The following GPD2 variants were observed in gnomAD, a reference collection of about 807,000 sequenced individuals.
The protein encoded by GPD2 is glycerol-3-phosphate dehydrogenase 2.
In GPD2, 54 loss-of-function variants were observed where a neutral mutation model predicts 82.4. That is an observed-to-expected ratio of 0.66 (90% CI 0.53 to 0.82). The LOEUF is 0.82. GPD2 is among the 40% of genes least tolerant of loss of function. The pLI, the probability that GPD2 is intolerant of heterozygous loss-of-function variation, is 0.00. For synonymous variants in GPD2, 288 were observed against 306.1 expected (o/e 0.94, Z 0.62); for missense variants, 748 against 896.2 (o/e 0.83, Z 2.11).
At chr2:156,555,957 A>T (rs1686945683) in intron 8 of GPD2, among the ~76,000 whole-genome samples, 1 of 152,184 alleles carries the variant, frequency 6.6e-6, no homozygotes, top group Non-Finnish European at 1.5e-5. Flanking sequence ...CTGAGTAGAC[A>T]TGGCAAGCGT....
chr2:156,447,527 G>A (rs962222657), intron 1 of GPD2, among the ~76,000 whole-genome samples: 3 of 151,942 alleles, frequency 2.0e-5, no homozygotes, highest in Admixed American at 1.3e-4. Context: ...TAGAGATGGA[G>A]CCTTGCCATG....
intron 15 of GPD2, 153 bp from the exon 16 acceptor site, chr2:156,579,537 G>A: frequency 3.3e-6 from 2 of 601,460 alleles, no homozygotes; most frequent in Non-Finnish European, 6.1e-6. Flanking sequence ...TCTCCATGTT[G>A]GCCAGGCTGG....
the GPD2 span, among the ~76,000 whole-genome samples, chr2:156,409,968 C>G: frequency 6.6e-6 from 1 of 151,980 alleles, no homozygotes; most frequent in African/African-American, 2.4e-5. Flanking sequence ...ATCCCTTGAA[C>G]CCAGGAATTT....
rs760143793 is a variant in GPD2 at position 156,496,223 on chromosome 2, T to C, written c.274+8T>C. On this transcript the variant is annotated splice_region_variant and intron_variant, in intron 3 of 16. Transcript: ENST00000438166. Reference sequence around the variant, plus strand: ...TAGATGCTGTCACCAGAGGTAAGTCTTTTTTTTTTTTATTTTAATTTTAAG... The same window carrying C: ...TAGATGCTGTCACCAGAGGTAAGTCCTTTTTTTTTTTATTTTAATTTTAAG... 1 of 389,424 alleles carries C rather than the reference T, an allele frequency of 2.6e-6. No homozygotes were observed. Among genetic ancestry groups the C allele is most frequent in the Non-Finnish European group, 3.8e-6 (1 of 264,312 alleles). The allele number at this position is 389,424 out of a possible 1,614,324, so 24.1% of individuals were successfully genotyped here.
At chr2:156,461,113 G>A (rs1284726023) in intron 1 of GPD2, among the ~76,000 whole-genome samples, 1 of 149,878 alleles carries the variant, frequency 6.7e-6, no homozygotes, top group African/African-American at 2.5e-5. Flanking sequence ...AGGAGTAGTT[G>A]TGTTCCTGCA....
At chr2:156,574,107 A>G (rs935600783) in intron 13 of GPD2, among the ~76,000 whole-genome samples, 1 of 152,156 alleles carries the variant, frequency 6.6e-6, no homozygotes, top group Non-Finnish European at 1.5e-5. Flanking sequence ...ATTTCGAGAA[A>G]CTGTCACTCA....
intron 9 of GPD2, among the ~76,000 whole-genome samples, chr2:156,563,888 A>T (rs906273781): frequency 6.6e-6 from 1 of 152,124 alleles, no homozygotes; most frequent in African/African-American, 2.4e-5. Flanking sequence ...AATTAACTGA[A>T]ATTTGAAATT....
chr2:156,579,150 C>A lies in GPD2; in HGVS notation c.1945C>A (p.Gln649Lys), dbSNP rs748125053. Reference sequence around the variant, plus strand: ...AGGCTTTATTACCATTGTTGATGTTCAGCGTGTATTAGAGGTAATTTTCTT... The same window carrying A: ...AGGCTTTATTACCATTGTTGATGTTAAGCGTGTATTAGAGGTAATTTTCTT... ...QKGFITIVDV[Q>K]RVLESINVQM... The change falls in exon 15 of 17, where the codon CAG becomes AAG. Residue 649 changes from glutamine (Q) to lysine (K), a missense_variant. Transcript: ENST00000438166. The A allele has an allele frequency of 6.3e-7, 1 of 1,596,060 alleles. No individual in the cohort carries two copies. Among genetic ancestry groups the A allele is most frequent in the Admixed American group, 1.7e-5 (1 of 59,972 alleles).
intron 6 of GPD2, among the ~76,000 whole-genome samples, chr2:156,532,234 T>TG (rs957719018): frequency 1.2e-4 from 19 of 152,322 alleles, no homozygotes; most frequent in African/African-American, 4.6e-4. Flanking sequence ...GATGAACACC[T>TG]GGCTTCAAGT....
chr2:156,544,855 A>G (rs186948217), intron 6 of GPD2, among the ~76,000 whole-genome samples: 26 of 152,302 alleles, frequency 1.7e-4, no homozygotes, highest in African/African-American at 4.8e-4. Context: ...GCCCAGAGCC[A>G]TTCTCCACAA....
rs1686090392 is a variant in GPD2 at position 156,536,581 on chromosome 2, A to C, written c.662-13027A>C. 2.0e-5 allele frequency among the ~76,000 whole-genome samples: 3 copies of C among 152,236 alleles called. No homozygotes were observed. In the South Asian group the frequency reaches 6.2e-4, roughly 31 times the overall value. Reference sequence around the variant, plus strand: ...CTATACGTGACAGCACTTAACCTTGACTATGCCTGCTAAAAGGTTTCTTGA... The same window carrying C: ...CTATACGTGACAGCACTTAACCTTGCCTATGCCTGCTAAAAGGTTTCTTGA... On this transcript the variant is annotated intron_variant, in intron 6 of 16. Transcript: ENST00000438166.
chr2:156,558,765 C>CTTTTTTTTTTT lies in GPD2; in HGVS notation c.1165+1204_1165+1214dup, dbSNP rs34524248. 4.2e-4 allele frequency among the ~76,000 whole-genome samples: 17 copies of CTTTTTTTTTTT among 40,884 alleles called. 4 individuals are homozygous for CTTTTTTTTTTT. Among genetic ancestry groups the CTTTTTTTTTTT allele is most frequent in the Non-Finnish European group, 6.2e-4 (15 of 24,170 alleles). 26.8% of individuals were successfully genotyped at this position (40,884 alleles called of 152,430 possible). On this transcript the variant is annotated intron_variant, in intron 9 of 16. Coordinates refer to ENST00000438166, the MANE Select transcript of GPD2 (RefSeq NM_000408.5). ...GGTGCCCACCACCACGCCCAGCTAA[C>CTTTTTTTTTTT]TTTTTTTTTTTTTTTTTTTTTTTTT...
At chr2:156,432,784 A>G (rs1688331894), upstream of GPD2, among the ~76,000 whole-genome samples, 1 of 152,156 alleles carries the variant, frequency 6.6e-6, no homozygotes. Flanking sequence ...AGAGTGGGAG[A>G]GTGGGAACTA....
At chr2:156,545,891 A>G (rs941798732) in intron 6 of GPD2, among the ~76,000 whole-genome samples, 3 of 152,220 alleles carry the variant, frequency 2.0e-5, no homozygotes, top group African/African-American at 4.8e-5. Flanking sequence ...TCTTTTAGAC[A>G]GTTACATTCT....
chr2:156,481,280 C>T (rs518846), intron 2 of GPD2, among the ~76,000 whole-genome samples: 4 of 152,032 alleles, frequency 2.6e-5, no homozygotes, highest in African/African-American at 9.7e-5. Flanking sequence ...TATCCATTAC[C>T]TCAAACATTG....
intron 13 of GPD2, among the ~76,000 whole-genome samples, chr2:156,572,640 T>C (rs549927470): frequency 6.6e-6 from 1 of 152,270 alleles, no homozygotes; most frequent in African/African-American, 2.4e-5. Context: ...GGAGTTAATG[T>C]AGTCAGATGA....
rs70987037 is a variant in GPD2 at position 156,449,856 on chromosome 2, C to CAAAA, written c.-9+13352_-9+13355dup. ...CAAAACTCCATCTCTACTAAATATA[C>CAAAA]AAAAAAAAAAAAGCCGGGCATGGTG... is the stretch of plus-strand genomic sequence containing the variant. On this transcript the variant is annotated intron_variant, in intron 1 of 16. Coordinates refer to ENST00000438166, the MANE Select transcript of GPD2 (RefSeq NM_000408.5). 8.3e-5 allele frequency among the ~76,000 whole-genome samples: 7 copies of CAAAA among 83,980 alleles called. 1 individual carries two copies. The highest frequency in any genetic ancestry group is 1.6e-4 in the African/African-American group (4 of 25,490). 55.1% of individuals were successfully genotyped at this position (83,980 alleles called of 152,430 possible). A position where few individuals can be genotyped will look rare whatever the true frequency, so the allele number is the denominator to read the frequency against.
In GPD2 at chr2:156,496,057, A is replaced by T. The variant is rs371555200; in HGVS notation, c.116A>T (p.Tyr39Phe). Residue 39 changes from tyrosine to phenylalanine, a missense_variant, in exon 3 of 17, where the codon TAT (tyrosine) becomes TTT (phenylalanine). Tyr to Phe is a conservative substitution (Grantham distance 22, BLOSUM62 3). Transcript: ENST00000438166. The part of the protein sequence containing the change: ...HYRRKQMNLA[Y>F]VKAADCISEP... ...CTTTTACATCAGATGAACCTGGCCT[A>T]TGTTAAAGCAGCAGACTGCATTTCA... 1 of 1,612,530 alleles carries T rather than the reference A, an allele frequency of 6.2e-7. No individual in the cohort carries two copies.
At position 156,492,147 on chromosome 2, in the gene GPD2, CTTTTTTTTTTT is replaced by C. The variant is rs770947790; in HGVS notation, c.103-3882_103-3872del. 1.9e-4 allele frequency among the ~76,000 whole-genome samples: 14 copies of C among 75,510 alleles called. No individual in the cohort carries two copies. The South Asian group carries it at 6.4e-3, about 34-fold the overall frequency. 49.5% of individuals were successfully genotyped at this position (75,510 alleles called of 152,430 possible). On this transcript the variant is annotated intron_variant, in intron 2 of 16. Transcript: ENST00000438166. Reference sequence around the variant, plus strand: ...CCACCACTTGGTATTCCCTCCCTACCTTTTTTTTTTTTTTTTTTTTTTTTTGAGACAGAATA... The same window carrying C: ...CCACCACTTGGTATTCCCTCCCTACCTTTTTTTTTTTTTTGAGACAGAATA...
Sources: gnomAD v4.1 joint callset for allele counts (sites outside exome capture counted in the v4.1 genomes callset) on GRCh38, gnomAD v4.1.1 for gene constraint, MANE v1.5 for transcripts, NCBI Gene and HGNC (gene_info 2026-07-23, HGNC 2026-07-21) for gene names.